RHPN2: variants seen among roughly 807,000 people sequenced by gnomAD.
RHPN2 encodes rhophilin-2.
In RHPN2, 40 loss-of-function variants were observed where a neutral mutation model predicts 79.0. The ratio of observed to expected loss-of-function variants is 0.51; its 90% CI spans 0.39 to 0.66. The LOEUF is 0.66. Among genes scored for constraint, RHPN2 ranks in the 30% least tolerant of loss-of-function variants. The pLI is 0.00. For synonymous variants in RHPN2, 285 were observed against 363.5 expected (o/e 0.78, Z 2.46); for missense variants, 686 against 883.5 (o/e 0.78, Z 2.83).
intron 14 of RHPN2, among the ~76,000 whole-genome samples, chr19:32,988,217 A>C (rs1430778199): frequency 6.2e-5 from 9 of 145,394 alleles, no homozygotes; most frequent in African/African-American, 8.4e-5. Context: ...AACAACAAAA[A>C]AAAAAACAAA....
intron 9 of RHPN2, among the ~76,000 whole-genome samples, 161 bp downstream of exon 9, chr19:33,002,086 G>A (rs897355966): frequency 2.6e-5 from 4 of 152,054 alleles, no homozygotes; most frequent in Non-Finnish European, 5.9e-5. Context: ...ACCCCACCAT[G>A]GCCTGTGCGG....
intron 7 of RHPN2, among the ~76,000 whole-genome samples, chr19:33,007,294 C>T (rs1028756586): frequency 6.6e-6 from 1 of 151,962 alleles, no homozygotes; most frequent in African/African-American, 2.4e-5. Flanking sequence ...CGAGACCAGC[C>T]TGGCCAGCAT....
chr19:33,022,437 G>A (rs1971932577), intron 3 of RHPN2, among the ~76,000 whole-genome samples: 2 of 151,728 alleles, frequency 1.3e-5, no homozygotes, highest in African/African-American at 4.8e-5. Flanking sequence ...CCTCACATTT[G>A]CAACTCTGGG....
At chr19:33,046,123 G>C (rs1266855719) in intron 1 of RHPN2, among the ~76,000 whole-genome samples, 1 of 152,168 alleles carries the variant, frequency 6.6e-6, no homozygotes, top group East Asian at 1.9e-4. Context: ...TGGGCATGGG[G>C]AGTGTTTTCA....
At chr19:33,058,390 A>AT (rs922549142) in intron 1 of RHPN2, among the ~76,000 whole-genome samples, 2 of 152,238 alleles carry the variant, frequency 1.3e-5, no homozygotes, top group African/African-American at 4.8e-5. Context: ...GCATAATGTC[A>AT]TTTTAAAGAA....
intron 4 of RHPN2, among the ~76,000 whole-genome samples, chr19:33,014,194 T>C (rs1448474902): frequency 6.6e-6 from 1 of 151,180 alleles, no homozygotes; most frequent in Non-Finnish European, 1.5e-5. Flanking sequence ...TTACACAACT[T>C]TTACATTAAA....
intron 12 of RHPN2, among the ~76,000 whole-genome samples, chr19:32,993,196 C>T (rs150985471): frequency 0.019 from 2,879 of 152,168 alleles, 36 homozygotes; most frequent in Middle Eastern, 0.031. Context: ...GCTATGGGGC[C>T]GGGCACAGTG....
chr19:33,025,591 G>A (rs904356524), intron 3 of RHPN2, among the ~76,000 whole-genome samples: 5 of 152,192 alleles, frequency 3.3e-5, no homozygotes, highest in Admixed American at 6.5e-5. Context: ...GCAGTCCAAC[G>A]TAAGTACAGT....
intron 2 of RHPN2, among the ~76,000 whole-genome samples, chr19:33,042,166 G>T (rs1408911333): frequency 6.9e-6 from 1 of 145,906 alleles, no homozygotes; most frequent in African/African-American, 2.7e-5. Flanking sequence ...TCCAGCCTGG[G>T]CAACAAGAGT....
chr19:33,020,554 C>A (rs1242323563), intron 4 of RHPN2, among the ~76,000 whole-genome samples: 1 of 150,084 alleles, frequency 6.7e-6, no homozygotes, highest in Non-Finnish European at 1.5e-5. Context: ...AGGGCAGTGG[C>A]GTGATCTCGG....
At chr19:33,055,608 C>T (rs571202807) in intron 1 of RHPN2, among the ~76,000 whole-genome samples, 5 of 152,028 alleles carry the variant, frequency 3.3e-5, no homozygotes, top group East Asian at 1.9e-4. Flanking sequence ...TCCACACAAG[C>T]GTTCATAAAA....
chr19:33,029,971 G>A (rs974581284), intron 2 of RHPN2, among the ~76,000 whole-genome samples: 1 of 152,122 alleles, frequency 6.6e-6, no homozygotes, highest in Non-Finnish European at 1.5e-5. Context: ...TTTTTACTGG[G>A]GGCTGATAGC....
In RHPN2 at chr19:33,025,590, C is replaced by T. The variant is rs548108300; in HGVS notation, c.314+914G>A. On this transcript the variant is annotated intron_variant, in intron 3 of 14. Coordinates refer to ENST00000254260, the MANE Select transcript of RHPN2 (RefSeq NM_033103.5). ...AGCTAGGAAACAGACTGCAGTCCAA[C>T]GTAAGTACAGTGCACAGAATCTCTG... Among the ~76,000 whole-genome samples, 57 of 152,346 alleles carry T rather than the reference C, an allele frequency of 3.7e-4. 1 individual carries two copies. The South Asian group carries it at 0.011, about 29-fold the overall frequency.
At chr19:33,045,048 TA>T (rs1972130975) in intron 1 of RHPN2, among the ~76,000 whole-genome samples, 1 of 140,882 alleles carries the variant, frequency 7.1e-6, no homozygotes, top group African/African-American at 2.8e-5. Flanking sequence ...ACTGAGTATC[TA>T]CTTTTTTTTT....
At position 33,013,863 on chromosome 19, in the gene RHPN2, C is replaced by T. The variant is rs373062434; in HGVS notation, c.391-1139G>A. On this transcript the variant is annotated intron_variant, in intron 4 of 14. Transcript: ENST00000254260. ...TATAAAGGCATTTTATTTTATTTTA[C>T]TTTATTTTATTTTATTTTATTTTAT... Among the ~76,000 whole-genome samples the T allele has an allele frequency of 1.1e-4, 16 of 146,888 alleles. No homozygotes were observed. The East Asian group carries it at 2.6e-3, about 24-fold the overall frequency.
chr19:33,005,946 T>A (rs1371297510), intron 7 of RHPN2, among the ~76,000 whole-genome samples: 4 of 152,006 alleles, frequency 2.6e-5, no homozygotes, highest in Non-Finnish European at 2.9e-5. Context: ...CAAGCTGGAG[T>A]GCAATGGCGC....
chr19:32,990,484 C>T (rs1439561241), intron 14 of RHPN2, 30 bp downstream of exon 14: 83 of 1,613,390 alleles, frequency 5.1e-5, no homozygotes, highest in Non-Finnish European at 6.8e-5. Flanking sequence ...CACGCCACCA[C>T]TGACTGCCCA....
In RHPN2 at chr19:32,980,073, C is replaced by T. The variant is rs145226250; in HGVS notation, c.1984G>A (p.Gly662Arg). ...TTCTTGACCTGAGGCCGTGCAGCCC[C>T]GACCGATGGGAGGCACAAGGTGCTG... Reference protein sequence around the residue: ...SASTLCLPSVGAARPQVKKKL... With the variant: ...SASTLCLPSVRAARPQVKKKL... The change falls in exon 15 of 15, where the codon GGG (glycine) becomes AGG (arginine). Residue 662 changes from glycine to arginine, a missense_variant. Transcript: ENST00000254260. 1.2e-5 allele frequency: 19 copies of T among 1,613,710 alleles called. No homozygotes were observed. Among genetic ancestry groups the T allele is most frequent in the Non-Finnish European group, 1.5e-5 (18 of 1,179,824 alleles).
intron 1 of RHPN2, among the ~76,000 whole-genome samples, chr19:33,052,210 A>C (rs1334382047): frequency 6.6e-6 from 1 of 152,042 alleles, no homozygotes; most frequent in Admixed American, 6.6e-5. Context: ...TTCTTCCCCT[A>C]TGGGGGCCCT....
Sources: allele counts gnomAD v4.1 joint callset (sites outside exome capture counted in the v4.1 genomes callset), GRCh38; gene constraint gnomAD v4.1.1; transcripts MANE v1.5; gene names NCBI Gene and HGNC (gene_info 2026-07-23, HGNC 2026-07-21).